The following ZNF804B variants were observed in gnomAD, a reference collection of about 807,000 sequenced individuals.
The protein encoded by ZNF804B is zinc finger 804B.
Under a neutral mutation model 101.4 loss-of-function variants are expected in ZNF804B, and 80 were observed. The observed-to-expected ratio is 0.79, with a 90% CI of 0.66 to 0.95. The LOEUF is 0.95. Among genes scored for constraint, ZNF804B ranks in the 40% least tolerant of loss-of-function variants. ZNF804B has a pLI of 0.00. For missense variants in ZNF804B, 1,673 were observed against 1,561.9 expected (o/e 1.07, Z -1.20); for synonymous variants, 622 against 558.8 (o/e 1.11, Z -1.59).
chr7:88,981,742 A>G (rs753747160), intron 1 of ZNF804B, among the ~76,000 whole-genome samples: 1 of 151,790 alleles, frequency 6.6e-6, no homozygotes, highest in Admixed American at 6.6e-5. Context: ...TCTGCCCTCT[A>G]TTGCTTTCCT....
intron 1 of ZNF804B, among the ~76,000 whole-genome samples, chr7:89,111,833 A>T (rs62461863): frequency 0.021 from 3,152 of 152,270 alleles, 60 homozygotes; most frequent in Middle Eastern, 0.034. Flanking sequence ...GTATTCTTAA[A>T]ATAGTTAAAA....
chr7:88,897,544 G>T (rs1310569350), intron 1 of ZNF804B, among the ~76,000 whole-genome samples: 2 of 152,026 alleles, frequency 1.3e-5, no homozygotes, highest in Non-Finnish European at 2.9e-5. Context: ...CTGGTAATTT[G>T]TTACCCTACA....
At chr7:89,104,744 C>A (rs1380573200) in intron 1 of ZNF804B, among the ~76,000 whole-genome samples, 1 of 151,664 alleles carries the variant, frequency 6.6e-6, no homozygotes, top group African/African-American at 2.4e-5. Flanking sequence ...TCTGCTCTAT[C>A]CTTCACTCTT....
chr7:89,219,364 G>A (rs1788946032), intron 2 of ZNF804B, among the ~76,000 whole-genome samples: 1 of 151,864 alleles, frequency 6.6e-6, no homozygotes, highest in Non-Finnish European at 1.5e-5. Flanking sequence ...GAAAGTCAAA[G>A]TTGTTATTTA....
intron 1 of ZNF804B, among the ~76,000 whole-genome samples, chr7:88,767,826 G>A (rs1428475917): frequency 6.6e-6 from 1 of 152,234 alleles, no homozygotes; most frequent in Non-Finnish European, 1.5e-5. Context: ...CATGTTCGCA[G>A]ATGTTTCTGC....
At chr7:89,037,255 A>T (rs990810223) in intron 1 of ZNF804B, among the ~76,000 whole-genome samples, 1 of 152,222 alleles carries the variant, frequency 6.6e-6, no homozygotes, top group East Asian at 1.9e-4. Context: ...TATAGTAATC[A>T]TTTAGAATGT....
intron 1 of ZNF804B, among the ~76,000 whole-genome samples, chr7:88,992,273 A>G (rs1226199716): frequency 1.3e-5 from 2 of 152,126 alleles, no homozygotes; most frequent in South Asian, 2.1e-4. Flanking sequence ...TTTTCTCTTT[A>G]CATTGCTTGT....
rs528314159 is a variant in ZNF804B, at chr7:89,167,879, T to C, written c.109-50276T>C. Among the ~76,000 whole-genome samples, 28 of 152,160 alleles carry C rather than the reference T, an allele frequency of 1.8e-4. No individual in the cohort carries two copies. In the South Asian group the frequency reaches 5.8e-3, roughly 32 times the overall value. ...CTTTTATTATATCTTAAATGGAAAC[T>C]AAAGAAACCACAAAATAAGACCTTC... On this transcript the variant is annotated intron_variant, in intron 1 of 3. Transcript: ENST00000333190.
At chr7:88,861,453 C>T (rs1233441606) in intron 1 of ZNF804B, among the ~76,000 whole-genome samples, 1 of 152,142 alleles carries the variant, frequency 6.6e-6, no homozygotes, top group Non-Finnish European at 1.5e-5. Context: ...TGGAATAGTA[C>T]AAATACCAGT....
chr7:89,034,669 G>C (rs1238801246), intron 1 of ZNF804B, among the ~76,000 whole-genome samples: 1 of 152,088 alleles, frequency 6.6e-6, no homozygotes, highest in Non-Finnish European at 1.5e-5. Flanking sequence ...ATTTGGGTTG[G>C]TTCCAAGTCT....
chr7:89,184,354 A>T (rs546282499), intron 1 of ZNF804B, among the ~76,000 whole-genome samples: 1 of 152,320 alleles, frequency 6.6e-6, no homozygotes, highest in Non-Finnish European at 1.5e-5. Flanking sequence ...CATCTTATAG[A>T]TTATGCAACA....
At chr7:89,217,500 ATTT>A (rs1788915710) in intron 1 of ZNF804B, among the ~76,000 whole-genome samples, 1 of 152,224 alleles carries the variant, frequency 6.6e-6, no homozygotes, top group Admixed American at 6.5e-5. Context: ...CTCAGTAAAC[ATTT>A]GCCACTATTA....
intron 1 of ZNF804B, among the ~76,000 whole-genome samples, chr7:88,823,203 TA>T (rs1350631144): frequency 2.0e-5 from 3 of 152,016 alleles, no homozygotes; most frequent in Non-Finnish European, 4.4e-5. Flanking sequence ...TGAGACTGTC[TA>T]AAAAACAAAA....
intron 1 of ZNF804B, among the ~76,000 whole-genome samples, chr7:88,920,662 G>GA (rs1792706578): frequency 6.6e-6 from 1 of 151,614 alleles, no homozygotes; most frequent in Non-Finnish European, 1.5e-5. Flanking sequence ...GGATGGAATG[G>GA]AAAATACTAG....
chr7:89,020,219 C>T (rs527443596), intron 1 of ZNF804B, among the ~76,000 whole-genome samples: 2 of 152,216 alleles, frequency 1.3e-5, no homozygotes, highest in African/African-American at 4.8e-5. Flanking sequence ...GCAGGACTCT[C>T]TTAAGCATTT....
chr7:89,309,457 A>T (rs551151731), intron 2 of ZNF804B, among the ~76,000 whole-genome samples: 3 of 151,964 alleles, frequency 2.0e-5, no homozygotes, highest in Non-Finnish European at 4.4e-5. Context: ...GGAGTTTTAG[A>T]TTTTAAAGAA....
chr7:88,943,415 G>A (rs113461625), intron 1 of ZNF804B, among the ~76,000 whole-genome samples: 12 of 151,914 alleles, frequency 7.9e-5, no homozygotes, highest in African/African-American at 2.6e-4. Flanking sequence ...CTGTTAGCAA[G>A]CACTTGCTTA....
chr7:88,883,811 T>C (rs539685207), intron 1 of ZNF804B, among the ~76,000 whole-genome samples: 1 of 125,606 alleles, frequency 8.0e-6, no homozygotes, highest in Non-Finnish European at 1.6e-5. Flanking sequence ...TATGTGTGTA[T>C]GTGTGTGTTT....
At chr7:89,218,324 A>C (rs1186413343) in intron 2 of ZNF804B, 29 bp downstream of exon 2, 1 of 1,612,130 alleles carries the variant, frequency 6.2e-7, no homozygotes, top group Non-Finnish European at 8.5e-7. Flanking sequence ...AGTCCTTCAT[A>C]TTCCTGTATT....
Sources: gnomAD v4.1 joint callset for allele counts (sites outside exome capture counted in the v4.1 genomes callset) on GRCh38, gnomAD v4.1.1 for gene constraint, MANE v1.5 for transcripts, NCBI Gene and HGNC (gene_info 2026-07-23, HGNC 2026-07-21) for gene names.